SLC9A2: variants seen among roughly 807,000 people sequenced by gnomAD.
The protein encoded by SLC9A2 is solute carrier family 9 member A2, also known as sodium/hydrogen exchanger 2.
SLC9A2 carries 42 observed loss-of-function variants against 71.7 expected under a neutral mutation model. The ratio of observed to expected loss-of-function variants is 0.59; its 90% confidence interval spans 0.46 to 0.76. SLC9A2 has a LOEUF of 0.76. SLC9A2 is among the 30% of genes least tolerant of loss of function. The pLI is 0.00. For missense variants in SLC9A2, 829 were observed against 1,017.4 expected, an observed-to-expected ratio of 0.81 and a Z score of 2.52; for synonymous variants, 396 against 392.5, an observed-to-expected ratio of 1.01 and a Z score of -0.10.
At chr2:102,693,998 G>C (rs1342280915) in intron 5 of SLC9A2, among the ~76,000 whole-genome samples, 1 of 151,964 alleles carries the variant, frequency 6.6e-6, no homozygotes, top group Admixed American at 6.6e-5. Flanking sequence ...TGATAGAGAG[G>C]GTGTTTCACT....
chr2:102,623,919 A>G (rs569718030), intron 1 of SLC9A2, among the ~76,000 whole-genome samples: 2 of 152,106 alleles, frequency 1.3e-5, no homozygotes, highest in Admixed American at 6.5e-5. Context: ...AATATAATAT[A>G]TATTACATTA....
chr2:102,700,102 C>A (rs1248867134), intron 7 of SLC9A2, among the ~76,000 whole-genome samples: 1 of 152,110 alleles, frequency 6.6e-6, no homozygotes, highest in Non-Finnish European at 1.5e-5. Flanking sequence ...CAGGATGACA[C>A]CAGGATTTTT....
intron 2 of SLC9A2, among the ~76,000 whole-genome samples, chr2:102,658,959 G>C (rs1676998810): frequency 6.6e-6 from 1 of 152,298 alleles, no homozygotes; most frequent in Non-Finnish European, 1.5e-5. Context: ...ACTTGTGAAT[G>C]CTCACTTTGT....
intron 5 of SLC9A2, among the ~76,000 whole-genome samples, chr2:102,684,858 A>G (rs577423354): frequency 3.3e-5 from 5 of 152,318 alleles, no homozygotes; most frequent in Non-Finnish European, 4.4e-5. Flanking sequence ...TTTTGCAGAT[A>G]TTCATTTATC....
intron 1 of SLC9A2, among the ~76,000 whole-genome samples, chr2:102,645,046 G>T (rs902722020): frequency 6.6e-6 from 1 of 152,154 alleles, no homozygotes. Context: ...TCATACAGGG[G>T]AGCTCTGGCT....
intron 1 of SLC9A2, among the ~76,000 whole-genome samples, chr2:102,647,649 AT>A (rs200262742): frequency 0.014 from 2,103 of 151,966 alleles, 42 homozygotes; most frequent in African/African-American, 0.049. Context: ...AATAAAAAAA[AT>A]AAAGGGAATA....
intron 5 of SLC9A2, among the ~76,000 whole-genome samples, chr2:102,688,570 C>A (rs906085186): frequency 2.6e-5 from 4 of 151,892 alleles, no homozygotes; most frequent in Admixed American, 6.6e-5. Flanking sequence ...TCTACTAAAA[C>A]TACAAAAATT....
At chr2:102,707,155 C>T (rs12990378) in intron 11 of SLC9A2, among the ~76,000 whole-genome samples, 116,263 of 152,034 alleles carry the variant, frequency 0.76, 44,442 homozygotes, top group Admixed American at 0.79. Flanking sequence ...TGGTACTATG[C>T]TCACTACTTG....
chr2:102,621,000 CA>C (rs1189149788), intron 1 of SLC9A2, among the ~76,000 whole-genome samples: 3 of 151,276 alleles, frequency 2.0e-5, no homozygotes, highest in South Asian at 2.1e-4. Flanking sequence ...ACTAAAAATA[CA>C]AAAAAATTAG....
intron 1 of SLC9A2, among the ~76,000 whole-genome samples, chr2:102,622,504 C>A (rs1468495408): frequency 6.6e-6 from 1 of 152,152 alleles, no homozygotes; most frequent in Non-Finnish European, 1.5e-5. Context: ...AGGGCATTAT[C>A]TCTAATTTTT....
Position 102,708,924 on chromosome 2 carries a change from C to T in SLC9A2, c.*435C>T, listed in dbSNP as rs1426644697. The T allele has an allele frequency of 6.0e-6, 1 of 166,672 alleles. No homozygotes were observed. The highest frequency in any genetic ancestry group is 1.3e-5 in the Non-Finnish European group (1 of 77,192). The allele number at this position is 166,672 out of a possible 1,614,324, so 10.3% of individuals were successfully genotyped here. A position where few individuals can be genotyped will look rare whatever the true frequency, so the allele number is the denominator to read the frequency against. Reference sequence around the variant, plus strand: ...AAAGTATCGAGAACAGCTTTCTTTCCCAGGGGTGAAGGATGGCGCTCGGGG... The same window carrying T: ...AAAGTATCGAGAACAGCTTTCTTTCTCAGGGGTGAAGGATGGCGCTCGGGG... On this transcript the variant is annotated 3_prime_UTR_variant, in exon 12 of 12. Coordinates refer to ENST00000233969, the MANE Select transcript of SLC9A2 (RefSeq NM_003048.6).
At chr2:102,686,285 C>A (rs960994655) in intron 5 of SLC9A2, 2 of 152,134 alleles carry the variant, frequency 1.3e-5, no homozygotes, top group African/African-American at 4.8e-5. Context: ...TGCACAGATA[C>A]TAAAATGTAA....
intron 1 of SLC9A2, among the ~76,000 whole-genome samples, chr2:102,653,069 G>A (rs1324227332): frequency 4.6e-5 from 7 of 152,158 alleles, no homozygotes; most frequent in African/African-American, 1.7e-4. Flanking sequence ...GTTCATAAAA[G>A]CACAGACACC....
At chr2:102,680,673 T>A (rs1336355298) in intron 3 of SLC9A2, among the ~76,000 whole-genome samples, 1 of 152,126 alleles carries the variant, frequency 6.6e-6, no homozygotes, top group Non-Finnish European at 1.5e-5. Flanking sequence ...CTCAAAGATG[T>A]CCCCAAAGAT....
rs1188337344 is a variant in SLC9A2, at chr2:102,708,329, C to T, written c.2279C>T (p.Ser760Leu). ...AGCAGAGAAAAGGGCACCCAGACGT[C>T]AGGCTTACTACAGCAGCCCCTTCTC... ...PHSREKGTQT[S>L]GLLQQPLLSK... The change falls in exon 12 of 12, where the codon TCA becomes TTA. Residue 760 changes from serine to leucine, a missense_variant. Ser to Leu is a moderately radical substitution (Grantham distance 145, BLOSUM62 -2). Around this residue, in one of 3 missense-constraint regions of SLC9A2, gnomAD observed 223 missense variants for 197.5 expected, o/e 1.13. Transcript: ENST00000233969. The T allele has an allele frequency of 1.2e-6, 2 of 1,614,212 alleles. No homozygotes were observed. The highest frequency in any genetic ancestry group is 1.7e-5 in the Admixed American group (1 of 60,016).
chr2:102,647,345 A>T (rs1444895480), intron 1 of SLC9A2, among the ~76,000 whole-genome samples: 1 of 152,226 alleles, frequency 6.6e-6, no homozygotes, highest in Non-Finnish European at 1.5e-5. Context: ...ACAGTAAAGC[A>T]GCATTAAGAG....
intron 6 of SLC9A2, among the ~76,000 whole-genome samples, chr2:102,694,761 A>G (rs1010292103): frequency 6.6e-6 from 1 of 152,214 alleles, no homozygotes; most frequent in African/African-American, 2.4e-5. Flanking sequence ...TTTAGCCTGG[A>G]AATGTTCCTA....
intron 1 of SLC9A2, among the ~76,000 whole-genome samples, chr2:102,634,717 T>C (rs112475453): frequency 6.6e-6 from 1 of 152,222 alleles, no homozygotes. Flanking sequence ...AATCATTTTT[T>C]TTCTGCTTTT....
At chr2:102,621,592 A>G (rs1208959375) in intron 1 of SLC9A2, among the ~76,000 whole-genome samples, 1 of 152,226 alleles carries the variant, frequency 6.6e-6, no homozygotes, top group Non-Finnish European at 1.5e-5. Context: ...GAATGTATGC[A>G]TTACATGTGT....
Sources: gnomAD v4.1 joint callset for allele counts (sites outside exome capture counted in the v4.1 genomes callset) on GRCh38, gnomAD v4.1.1 for gene constraint, gnomAD v4.1.1 regional missense constraint, MANE v1.5 for transcripts, NCBI Gene and HGNC (gene_info 2026-07-23, HGNC 2026-07-21) for gene names.